Variants in TMEM132B observed in about 807,000 individuals in gnomAD.
TMEM132B encodes the protein transmembrane protein 132B.
Under a neutral mutation model 90.8 loss-of-function variants are expected in TMEM132B, and 18 were observed. That is an observed-to-expected ratio of 0.20 (90% CI 0.14 to 0.29). The LOEUF (loss-of-function observed/expected upper bound fraction) is 0.29, where lower values mean the gene tolerates loss of function less well. Among genes scored for constraint, TMEM132B ranks in the 10% least tolerant of loss-of-function variants. The pLI is 1.00. For synonymous variants in TMEM132B, 504 were observed against 523.3 expected (o/e 0.96, Z 0.50); for missense variants, 1,096 against 1,326.8 (o/e 0.83, Z 2.70).
At chr12:125,221,086 C>T (rs977851685) in intron 1 of TMEM132B, among the ~76,000 whole-genome samples, 6 of 152,242 alleles carry the variant, frequency 3.9e-5, no homozygotes, top group East Asian at 1.9e-4. Context: ...CCTACAGTAG[C>T]GCTCAGCACT....
At chr12:125,622,913 A>C (rs1165663005) in intron 5 of TMEM132B, among the ~76,000 whole-genome samples, 3 of 152,180 alleles carry the variant, frequency 2.0e-5, no homozygotes, top group Non-Finnish European at 4.4e-5. Context: ...AGTTTAGAAA[A>C]CACAAGCCCT....
intron 4 of TMEM132B, among the ~76,000 whole-genome samples, chr12:125,570,617 C>T (rs766789338): frequency 9.2e-5 from 14 of 152,200 alleles, no homozygotes; most frequent in South Asian, 2.1e-4. Flanking sequence ...CTTTCTGCCT[C>T]GTAGATAATA....
intron 1 of TMEM132B, among the ~76,000 whole-genome samples, chr12:125,199,824 C>A (rs2136055929): frequency 6.6e-6 from 1 of 152,222 alleles, no homozygotes; most frequent in African/African-American, 2.4e-5. Context: ...AAAAAAAGGG[C>A]AGAGGATACA....
chr12:125,372,139 T>G (rs1203740097), intron 2 of TMEM132B, among the ~76,000 whole-genome samples: 5 of 152,242 alleles, frequency 3.3e-5, no homozygotes, highest in Admixed American at 3.3e-4. Context: ...CTCTTTGGTT[T>G]TCGAGAATTT....
At chr12:125,319,422 A>C (rs541948295) in intron 1 of TMEM132B, among the ~76,000 whole-genome samples, 1 of 152,310 alleles carries the variant, frequency 6.6e-6, no homozygotes, top group East Asian at 1.9e-4. Context: ...CCTTGTGTTC[A>C]AGCCCCAGGA....
rs114640495 is a variant in TMEM132B, at chr12:125,539,446, G to T, written c.1293+19821G>T. 1.7e-3 allele frequency among the ~76,000 whole-genome samples: 255 copies of T among 152,312 alleles called. 2 individuals are homozygous for T. Among genetic ancestry groups the T allele is most frequent in the African/African-American group, 5.8e-3 (243 of 41,568 alleles). On this transcript the variant is annotated intron_variant, in intron 4 of 8. Transcript: ENST00000682704. ...GATGAGGTAATGGTGCTGTCTCTCA[G>T]TGACCCGTTGTGACACCCATCTGGT...
chr12:125,522,844 C>T (rs1883343032), intron 4 of TMEM132B, among the ~76,000 whole-genome samples: 1 of 152,312 alleles, frequency 6.6e-6, no homozygotes, highest in East Asian at 1.9e-4. Context: ...CTGACAAAGC[C>T]TAATATCGTG....
At chr12:125,477,539 T>C (rs1881918459) in intron 3 of TMEM132B, among the ~76,000 whole-genome samples, 2 of 151,260 alleles carry the variant, frequency 1.3e-5, no homozygotes, top group South Asian at 2.1e-4. Flanking sequence ...ATTTTTTTTT[T>C]CCTACTCTGT....
intron 1 of TMEM132B, among the ~76,000 whole-genome samples, chr12:125,323,860 C>T (rs898341829): frequency 1.3e-5 from 2 of 152,184 alleles, no homozygotes. Flanking sequence ...CTACCTACCT[C>T]ATAGAGTTAT....
chr12:125,403,228 AG>A lies in TMEM132B; in HGVS notation c.960-12302del. 1.3e-5 allele frequency among the ~76,000 whole-genome samples: 2 copies of A among 152,284 alleles called. 1 individual carries two copies. The highest frequency in any genetic ancestry group is 3.9e-4 in the East Asian group (2 of 5,194). ...CTGAGTGACATTATCTAGACATGTG[AG>A]CCCCTGTCTTGAATCTACCTCTACT... On this transcript the variant is annotated intron_variant, in intron 2 of 8. Transcript: ENST00000682704.
At chr12:125,538,690 C>T (rs1045609389) in intron 4 of TMEM132B, among the ~76,000 whole-genome samples, 7 of 152,164 alleles carry the variant, frequency 4.6e-5, no homozygotes, top group Admixed American at 6.5e-5. Flanking sequence ...CAGAGGCATT[C>T]GTTTTTGAAA....
chr12:125,299,206 C>A (rs1422534000), intron 1 of TMEM132B, among the ~76,000 whole-genome samples: 1 of 152,134 alleles, frequency 6.6e-6, no homozygotes, highest in Admixed American at 6.5e-5. Context: ...TGAGGCTGTA[C>A]CCCCCACTGT....
rs768917407 is a variant in TMEM132B, at chr12:125,432,397, A to ATATG, written c.1106+16721_1106+16722insATGT. Among the ~76,000 whole-genome samples the ATATG allele has an allele frequency of 1.5e-4, 10 of 68,346 alleles. 4 individuals are homozygous for ATATG. The highest frequency in any genetic ancestry group is 6.5e-4 in the African/African-American group (10 of 15,422). 44.8% of individuals were successfully genotyped at this position (68,346 alleles called of 152,430 possible). The stretch of plus-strand genomic sequence containing the variant: ...TATATATATATATATATATATATAT[A>ATATG]TGTATGTATGTGTATATATATATAT... On this transcript the variant is annotated intron_variant, in intron 3 of 8. Transcript: ENST00000682704.
intron 3 of TMEM132B, among the ~76,000 whole-genome samples, chr12:125,456,244 C>A (rs115654587): frequency 0.01 from 1,595 of 152,304 alleles, 15 homozygotes; most frequent in Non-Finnish European, 0.017. Context: ...TTGACTGACA[C>A]AAGGTGAAAA....
intron 5 of TMEM132B, among the ~76,000 whole-genome samples, chr12:125,618,011 A>G (rs1303812603): frequency 6.6e-6 from 1 of 151,842 alleles, no homozygotes; most frequent in African/African-American, 2.4e-5. Context: ...ACTTCCTCAC[A>G]AGAGTGTGGT....
intron 4 of TMEM132B, among the ~76,000 whole-genome samples, chr12:125,526,916 C>T (rs1169110817): frequency 2.6e-5 from 4 of 151,840 alleles, no homozygotes; most frequent in East Asian, 3.9e-4. Flanking sequence ...CCCTTCCATC[C>T]ACCCATTTAC....
chr12:125,298,916 G>T (rs1875741479), intron 1 of TMEM132B, among the ~76,000 whole-genome samples: 1 of 151,480 alleles, frequency 6.6e-6, no homozygotes, highest in South Asian at 2.1e-4. Flanking sequence ...TGTATTTTTA[G>T]TAGAGACGGG....
chr12:125,598,237 C>G (rs1324352102), intron 5 of TMEM132B, among the ~76,000 whole-genome samples: 1 of 152,094 alleles, frequency 6.6e-6, no homozygotes, highest in Non-Finnish European at 1.5e-5. Flanking sequence ...ACACACAGAA[C>G]AATACAGATG....
intron 3 of TMEM132B, among the ~76,000 whole-genome samples, chr12:125,427,644 A>G (rs1322590365): frequency 6.6e-6 from 1 of 152,202 alleles, no homozygotes; most frequent in Non-Finnish European, 1.5e-5. Flanking sequence ...GATTTCAGTT[A>G]CATTGCTCGA....
Sources: gnomAD v4.1 joint callset for allele counts (sites outside exome capture counted in the v4.1 genomes callset) on GRCh38, gnomAD v4.1.1 for gene constraint, MANE v1.5 for transcripts, NCBI Gene and HGNC (gene_info 2026-07-23, HGNC 2026-07-21) for gene names.